The following STIM1 variants were observed in gnomAD, a reference collection of about 807,000 sequenced individuals.
STIM1 encodes the protein stromal interaction molecule 1.
In STIM1, 25 loss-of-function variants were observed where a neutral mutation model predicts 74.7. The observed-to-expected ratio is 0.33, with a 90% CI of 0.24 to 0.47. The LOEUF (loss-of-function observed/expected upper bound fraction) is 0.47. Ranked by LOEUF, STIM1 falls within the 20% of genes least tolerant of loss-of-function variation. STIM1 has a pLI of 1.00. For synonymous variants in STIM1, 328 were observed against 348.8 expected, an observed-to-expected ratio of 0.94 and a Z score of 0.66; for missense variants, 728 against 920.8, an observed-to-expected ratio of 0.79 and a Z score of 2.71.
intron 2 of STIM1, chr11:4,018,859 T>C (rs572023222): frequency 2.3e-4 from 35 of 152,490 alleles, no homozygotes; most frequent in African/African-American, 8.4e-4. Flanking sequence ...CTCCCAGTTA[T>C]TCTGCATGCC....
chr11:3,881,865 G>A (rs1456300398), intron 1 of STIM1, among the ~76,000 whole-genome samples: 1 of 151,260 alleles, frequency 6.6e-6, no homozygotes, highest in African/African-American at 2.4e-5. Flanking sequence ...TAGAGACGGG[G>A]TTCGCCATGT....
chr11:4,070,350 T>C (rs1590688902), intron 6 of STIM1, 147 bp downstream of exon 6: 2 of 904,842 alleles, frequency 2.2e-6, no homozygotes, highest in East Asian at 5.3e-5. Flanking sequence ...CATTGCAAGT[T>C]TAGGTTGCTG....
At chr11:3,968,085 A>G (rs1237293345) in intron 2 of STIM1, among the ~76,000 whole-genome samples, 24 of 152,204 alleles carry the variant, frequency 1.6e-4, no homozygotes, top group Admixed American at 1.6e-3. Flanking sequence ...AGACACCCAG[A>G]TCCTGCCCTC....
intron 1 of STIM1, among the ~76,000 whole-genome samples, chr11:3,866,667 C>T (rs755349098): frequency 6.6e-5 from 10 of 152,026 alleles, no homozygotes; most frequent in South Asian, 4.2e-4. Context: ...CCTTGCGATC[C>T]GCCTGCCTCG....
chr11:3,978,622 T>C (rs2093472818), intron 2 of STIM1, among the ~76,000 whole-genome samples: 1 of 151,554 alleles, frequency 6.6e-6, no homozygotes, highest in Non-Finnish European at 1.5e-5. Context: ...TTAGCTGGGG[T>C]TGGTATCAGG....
chr11:4,055,919 A>G (rs1259425022), intron 4 of STIM1, among the ~76,000 whole-genome samples: 1 of 152,202 alleles, frequency 6.6e-6, no homozygotes, highest in African/African-American at 2.4e-5. Context: ...TCAACACTGT[A>G]TACAGTATCT....
chr11:3,941,182 A>G (rs771421225), intron 1 of STIM1, among the ~76,000 whole-genome samples: 8 of 152,234 alleles, frequency 5.3e-5, no homozygotes, highest in South Asian at 4.1e-4. Context: ...AAAAGAGTAC[A>G]TGCCTCTACT....
chr11:3,937,936 CTT>C (rs879661667), intron 1 of STIM1, among the ~76,000 whole-genome samples: 10 of 138,716 alleles, frequency 7.2e-5, no homozygotes, highest in African/African-American at 1.1e-4. Flanking sequence ...TAGAGAAATT[CTT>C]TTTTTTTTTT....
At position 4,073,149 on chromosome 11, in the gene STIM1, G is replaced by A. The variant is rs185549084; in HGVS notation, c.792-1353G>A. Among the ~76,000 whole-genome samples the A allele has an allele frequency of 3.5e-5, 5 of 141,418 alleles. No homozygotes were observed. The East Asian group carries it at 1.1e-3, about 31-fold the overall frequency. The allele number at this position is 141,418 out of a possible 152,430, so 92.8% of individuals were successfully genotyped here. A position where few individuals can be genotyped will look rare whatever the true frequency, so the allele number is the denominator to read the frequency against. On this transcript the variant is annotated intron_variant, in intron 6 of 12. Transcript: ENST00000526596. ...CTCTAGGGGTCCTTCTTGTTCTGTA[G>A]TCTATCCTTTCTTTTCTATACCTCA...
intron 3 of STIM1, among the ~76,000 whole-genome samples, chr11:4,038,475 G>C (rs1421423368): frequency 6.6e-6 from 1 of 151,798 alleles, no homozygotes; most frequent in East Asian, 1.9e-4. Context: ...CTCAAGCTTA[G>C]ATTTTAATCC....
At position 3,885,917 on chromosome 11, in the gene STIM1, C is replaced by A. The variant is rs149537154; in HGVS notation, c.139+29508C>A. On this transcript the variant is annotated intron_variant, in intron 1 of 12. Coordinates refer to ENST00000526596, the MANE Select transcript of STIM1 (RefSeq NM_001382567.1). Reference sequence around the variant, plus strand: ...CCTCTGTAAGTGTTGGGATTACAGGCGTGAGCCACTGTGCGTGGCCCCATT... The same window carrying A: ...CCTCTGTAAGTGTTGGGATTACAGGAGTGAGCCACTGTGCGTGGCCCCATT... 3.1e-3 allele frequency among the ~76,000 whole-genome samples: 476 copies of A among 152,296 alleles called. 1 individual carries two copies. The highest frequency in any genetic ancestry group is 0.01 in the African/African-American group (426 of 41,558).
intron 1 of STIM1, among the ~76,000 whole-genome samples, chr11:3,857,327 C>G (rs1262324169): frequency 6.6e-6 from 1 of 151,944 alleles, no homozygotes. Context: ...TCACAGCTCA[C>G]TACAGCCTCA....
In STIM1 at chr11:3,972,227, C is replaced by G. The variant is rs552635571; in HGVS notation, c.270+4545C>G. On this transcript the variant is annotated intron_variant, in intron 2 of 12. Transcript: ENST00000526596. ...TCCTACTGGTAACTTTTCTGCATAACTGGACTGTAACCCCAGTTACAGATC... is the reference window on the plus strand; with the variant it reads ...TCCTACTGGTAACTTTTCTGCATAAGTGGACTGTAACCCCAGTTACAGATC... Among the ~76,000 whole-genome samples the G allele has an allele frequency of 4.3e-4, 66 of 152,322 alleles. No individual in the cohort carries two copies. In the Middle Eastern group the frequency reaches 0.01, roughly 24 times the overall value.
At chr11:4,053,886 G>A (rs1481177046) in intron 3 of STIM1, among the ~76,000 whole-genome samples, 2 of 152,146 alleles carry the variant, frequency 1.3e-5, no homozygotes, top group Non-Finnish European at 2.9e-5. Flanking sequence ...GGAATTACAG[G>A]TGTGAGCTAC....
intron 1 of STIM1, among the ~76,000 whole-genome samples, chr11:3,871,118 C>T (rs562715760): frequency 2.6e-4 from 39 of 152,122 alleles, no homozygotes; most frequent in Non-Finnish European, 5.1e-4. Flanking sequence ...CTGCTTGCTT[C>T]GGCCTCCCAA....
chr11:3,860,054 A>G (rs903818214), intron 1 of STIM1, among the ~76,000 whole-genome samples: 5 of 152,220 alleles, frequency 3.3e-5, no homozygotes, highest in African/African-American at 1.2e-4. Context: ...TCCTTCCCTC[A>G]TGGAAGTTAC....
rs2093296738 is a variant in STIM1 at position 3,962,444 on chromosome 11, A to AG, written c.140-5108_140-5107insG. On this transcript the variant is annotated intron_variant, in intron 1 of 12. Coordinates refer to ENST00000526596, the MANE Select transcript of STIM1 (RefSeq NM_001382567.1). ...CATTCTTCTTTTATGGCTGAGTAGT[A>AG]TTGTGTGTGTGTGTGTGTGTGTGTG... Among the ~76,000 whole-genome samples the AG allele has an allele frequency of 2.4e-5, 3 of 125,172 alleles. 1 individual carries two copies. The highest frequency in any genetic ancestry group is 8.1e-5 in the Admixed American group (1 of 12,306). The allele number at this position is 125,172 out of a possible 152,430, so 82.1% of individuals were successfully genotyped here.
At chr11:3,886,970 T>C (rs559225603) in intron 1 of STIM1, among the ~76,000 whole-genome samples, 1 of 150,238 alleles carries the variant, frequency 6.7e-6, no homozygotes, top group African/African-American at 2.5e-5. Context: ...ACCACTGCAC[T>C]CCAGCCTGGC....
intron 3 of STIM1, among the ~76,000 whole-genome samples, chr11:4,050,706 T>C (rs1344597374): frequency 6.6e-6 from 1 of 152,202 alleles, no homozygotes; most frequent in East Asian, 1.9e-4. Flanking sequence ...TTCCCCCATG[T>C]AGTCAGAAAT....
Sources: allele counts gnomAD v4.1 joint callset (sites outside exome capture counted in the v4.1 genomes callset), GRCh38; gene constraint gnomAD v4.1.1; transcripts MANE v1.5; gene names NCBI Gene and HGNC (gene_info 2026-07-23, HGNC 2026-07-21).